Variants in GALNT5 observed in about 807,000 individuals in gnomAD.
The protein encoded by GALNT5 is polypeptide N-acetylgalactosaminyltransferase 5, also known as UDP-GalNAc:polypeptide N-acetylgalactosaminyltransferase 5.
Under a neutral mutation model 85.4 loss-of-function variants are expected in GALNT5, and 72 were observed. The observed-to-expected ratio is 0.84, with a 90% confidence interval of 0.70 to 1.03. The LOEUF (loss-of-function observed/expected upper bound fraction) is 1.03, where lower values mean the gene tolerates loss of function less well. Among genes scored for constraint, GALNT5 ranks in the 50% least tolerant of loss-of-function variants. GALNT5 has a pLI of 0.00. For missense variants in GALNT5, 1,137 were observed against 1,135.5 expected, an observed-to-expected ratio of 1.00 and a Z score of -0.02; for synonymous variants, 404 against 397.0, an observed-to-expected ratio of 1.02 and a Z score of -0.21.
intron 5 of GALNT5, among the ~76,000 whole-genome samples, chr2:157,297,958 C>T (rs773565491): frequency 2.6e-5 from 4 of 152,286 alleles, no homozygotes; most frequent in Middle Eastern, 3.4e-3. Context: ...TACTTATCAT[C>T]TTGAGCCTCT....
Position 157,313,235 on chromosome 2 carries a change from C to T in GALNT5, c.*1887C>T, listed in dbSNP as rs1347842407. ...TTTTCTATGTTTAGACACACAAATA[C>T]TCACCATGATGTTACAATAGCCTAC... On this transcript the variant is annotated 3_prime_UTR_variant, in exon 10 of 10. Transcript: ENST00000259056. 6.6e-6 allele frequency: 1 copy of T among 152,158 alleles called. No individual in the cohort carries two copies. The highest frequency in any genetic ancestry group is 1.5e-5 in the Non-Finnish European group (1 of 68,016). 9.4% of individuals were successfully genotyped at this position (152,158 alleles called of 1,614,324 possible). A position where few individuals can be genotyped will look rare whatever the true frequency, so the allele number is the denominator to read the frequency against.
intron 5 of GALNT5, among the ~76,000 whole-genome samples, chr2:157,298,028 A>G (rs922922318): frequency 6.6e-6 from 1 of 152,180 alleles, no homozygotes; most frequent in Non-Finnish European, 1.5e-5. Context: ...TGTTTTAAGA[A>G]CTGAATCAGA....
chr2:157,284,200 A>G, intron 1 of GALNT5, 82 bp from the exon 2 acceptor site: 1 of 1,081,702 alleles, frequency 9.2e-7, no homozygotes, highest in East Asian at 2.4e-5. Context: ...GTATATGCAC[A>G]CCATCGCACT....
rs1426914734 is a variant in GALNT5 at position 157,318,192 on chromosome 2, T to C, written c.*6844T>C. 6.6e-6 allele frequency among the ~76,000 whole-genome samples: 1 copy of C among 152,144 alleles called. No individual in the cohort carries two copies. Among genetic ancestry groups the C allele is most frequent in the Non-Finnish European group, 1.5e-5 (1 of 68,000 alleles). ...ATTTTAAATGTTTTCCCTATCACAT[T>C]GAAAAACTTAAATGTCCGTTCTCCA... On this transcript the variant is annotated 3_prime_UTR_variant, in exon 10 of 10. Transcript: ENST00000259056.
intron 7 of GALNT5, among the ~76,000 whole-genome samples, chr2:157,303,172 C>A (rs569624087): frequency 1.3e-5 from 2 of 152,276 alleles, no homozygotes; most frequent in East Asian, 1.9e-4. Flanking sequence ...AGCTAATAAT[C>A]TCACCAATAA....
At chr2:157,310,400 C>A (rs1191670437) in intron 9 of GALNT5, among the ~76,000 whole-genome samples, 1 of 152,164 alleles carries the variant, frequency 6.6e-6, no homozygotes, top group African/African-American at 2.4e-5. Flanking sequence ...GACTTCCTTA[C>A]AAATCCTTGA....
At position 157,318,095 on chromosome 2, in the gene GALNT5, T is replaced by A. The variant is rs1683758521; in HGVS notation, c.*6747T>A. On this transcript the variant is annotated 3_prime_UTR_variant, in exon 10 of 10. Coordinates refer to ENST00000259056, the MANE Select transcript of GALNT5 (RefSeq NM_014568.3). ...TTAAGAGAAGTGGTTGCCTTTCTCATACTGTCAAACATATTTCTTCTTTAT... is the reference window on the plus strand; with the variant it reads ...TTAAGAGAAGTGGTTGCCTTTCTCAAACTGTCAAACATATTTCTTCTTTAT... Among the ~76,000 whole-genome samples, 1 of 152,150 alleles carries A rather than the reference T, an allele frequency of 6.6e-6. No individual in the cohort carries two copies. The highest frequency in any genetic ancestry group is 2.4e-5 in the African/African-American group (1 of 41,450).
chr2:157,308,976 C>T (rs1245633789), intron 9 of GALNT5, among the ~76,000 whole-genome samples: 1 of 151,982 alleles, frequency 6.6e-6, no homozygotes, highest in African/African-American at 2.4e-5. Flanking sequence ...CTTCTAGTTG[C>T]ATTGCTATCA....
Position 157,259,185 on chromosome 2 carries a change from C to T in GALNT5, c.1103C>T (p.Ser368Phe), listed in dbSNP as rs1682276572. ...HISRNRSEMS[S>F]SSLAPHRVPL... Reference sequence around the variant, plus strand: ...TCCAGGAATAGAAGTGAGATGTCTTCCTCTTCACTTGCTCCACATAGAGTG... The same window carrying T: ...TCCAGGAATAGAAGTGAGATGTCTTTCTCTTCACTTGCTCCACATAGAGTG... The change falls in exon 1 of 10, where the codon TCC becomes TTC. Residue 368 changes from serine to phenylalanine, a missense_variant. Transcript: ENST00000259056. 3.9e-6 allele frequency: 6 copies of T among 1,544,530 alleles called. No individual in the cohort carries two copies. In the Admixed American group the frequency reaches 6.3e-5, roughly 16 times the overall value.
chr2:157,300,366 C>T (rs1276511200), intron 6 of GALNT5, among the ~76,000 whole-genome samples: 1 of 151,998 alleles, frequency 6.6e-6, no homozygotes, highest in South Asian at 2.1e-4. Flanking sequence ...ATACTTCTTT[C>T]CCTGATTCAA....
Position 157,285,892 on chromosome 2 carries a change from G to A in GALNT5, c.1622-123G>A, listed in dbSNP as rs1682959392. ...TCAGAAAATAAAATTATGACCCAAG[G>A]AATAAAATTCAGTGATGATGGTAAT... On this transcript the variant is annotated intron_variant, in intron 2 of 9. Transcript: ENST00000259056. 4 of 634,348 alleles carry A rather than the reference G, an allele frequency of 6.3e-6. No homozygotes were observed. The Admixed American group carries it at 8.5e-5, about 13-fold the overall frequency. The allele number at this position is 634,348 out of a possible 1,614,324, so 39.3% of individuals were successfully genotyped here. A position where few individuals can be genotyped will look rare whatever the true frequency, so the allele number is the denominator to read the frequency against.
chr2:157,263,271 A>G (rs1682389170), intron 1 of GALNT5, among the ~76,000 whole-genome samples: 1 of 152,178 alleles, frequency 6.6e-6, no homozygotes, highest in African/African-American at 2.4e-5. Flanking sequence ...GGCCCTTAGC[A>G]TAAGAAAAGC....
At chr2:157,310,299 T>C (rs1452521434) in intron 9 of GALNT5, among the ~76,000 whole-genome samples, 1 of 152,206 alleles carries the variant, frequency 6.6e-6, no homozygotes, top group Non-Finnish European at 1.5e-5. Context: ...TCAGCTTTCT[T>C]CTTTTTTCAG....
chr2:157,308,657 C>T lies in GALNT5; in HGVS notation c.2611C>T (p.His871Tyr), dbSNP rs1683505178. 1.9e-6 allele frequency: 3 copies of T among 1,613,644 alleles called. No individual in the cohort carries two copies. The highest frequency in any genetic ancestry group is 1.7e-6 in the Non-Finnish European group (2 of 1,179,564). Residue 871 changes from histidine to tyrosine, a missense_variant, in exon 9 of 10, where the codon CAC becomes TAC. Transcript: ENST00000259056. The stretch of plus-strand genomic sequence containing the variant: ...CCCTGATAAAGGAGCCGTAAGGCTG[C>T]ACCCTTGTGATAACAGAAACAAAGG... ...PIPDKGAVRL[H>Y]PCDNRNKGLK...
chr2:157,274,785 G>C (rs1392942983), intron 1 of GALNT5, among the ~76,000 whole-genome samples: 1 of 152,144 alleles, frequency 6.6e-6, no homozygotes, highest in Admixed American at 6.5e-5. Context: ...TAGGCTGCCT[G>C]TTCACTCTGA....
rs68129611 is a variant in GALNT5 at position 157,317,174 on chromosome 2, G to GTATATATA, written c.*5844_*5851dup. Among the ~76,000 whole-genome samples the GTATATATA allele has an allele frequency of 1.0e-4, 14 of 139,322 alleles. No homozygotes were observed. The highest frequency in any genetic ancestry group is 2.6e-4 in the African/African-American group (10 of 37,952). 91.4% of individuals were successfully genotyped at this position (139,322 alleles called of 152,430 possible). A position where few individuals can be genotyped will look rare whatever the true frequency, so the allele number is the denominator to read the frequency against. On this transcript the variant is annotated 3_prime_UTR_variant, in exon 10 of 10. Transcript: ENST00000259056. The stretch of plus-strand genomic sequence containing the variant: ...TTTTGTAAATATACTGTATGTGTGT[G>GTATATATA]TATATATATATATATATATATATAT...
chr2:157,282,868 G>C (rs1004800366), intron 1 of GALNT5, among the ~76,000 whole-genome samples: 15 of 152,296 alleles, frequency 9.8e-5, no homozygotes, highest in East Asian at 1.9e-4. Flanking sequence ...ATCTCAAGCA[G>C]TTGTTATGAA....
rs752142670 is a variant in GALNT5, at chr2:157,258,405, C to T, written c.323C>T (p.Thr108Ile). 3 of 1,610,584 alleles carry T rather than the reference C, an allele frequency of 1.9e-6. No homozygotes were observed. Among genetic ancestry groups the T allele is most frequent in the African/African-American group, 2.7e-5 (2 of 74,406 alleles). The part of the protein sequence containing the change: ...VLKVEVDLDQ[T>I]QRERKMQNAL... ...AAGGTTGAGGTGGACTTGGACCAAA[C>T]CCAGAGGGAAAGAAAAATGCAGAAT... is the stretch of plus-strand genomic sequence containing the variant. Residue 108 changes from threonine (T) to isoleucine (I), a missense_variant, in exon 1 of 10, where the codon ACC (threonine) becomes ATC (isoleucine). By Grantham distance (89) the Thr-to-Ile change is moderately conservative (BLOSUM62 -1). Transcript: ENST00000259056.
chr2:157,263,604 T>C (rs2105145696), intron 1 of GALNT5, among the ~76,000 whole-genome samples: 1 of 152,362 alleles, frequency 6.6e-6, no homozygotes, highest in Admixed American at 6.5e-5. Flanking sequence ...ACTTTGTCTT[T>C]AGCTTTATTT....
Sources: allele counts gnomAD v4.1 joint callset (sites outside exome capture counted in the v4.1 genomes callset), GRCh38; gene constraint gnomAD v4.1.1; transcripts MANE v1.5; gene names NCBI Gene and HGNC (gene_info 2026-07-23, HGNC 2026-07-21).